RNF180: variants seen among roughly 807,000 people sequenced by gnomAD.
RNF180 encodes E3 ubiquitin-protein ligase RNF180.
A neutral mutation model predicts 59.2 loss-of-function variants in RNF180; 38 were observed. The ratio of observed to expected loss-of-function variants is 0.64; its 90% confidence interval spans 0.50 to 0.84. The LOEUF is 0.84. Ranked by LOEUF, RNF180 falls within the 40% of genes least tolerant of loss-of-function variation. The pLI is 0.00. For synonymous variants in RNF180, 262 were observed against 240.3 expected (o/e 1.09, Z -0.84); for missense variants, 705 against 700.9 (o/e 1.01, Z -0.07).
At chr5:64,364,451 A>G (rs1746371634) in intron 7 of RNF180, among the ~76,000 whole-genome samples, 1 of 151,704 alleles carries the variant, frequency 6.6e-6, no homozygotes, top group African/African-American at 2.4e-5. Flanking sequence ...TCGCTTTTTG[A>G]TGTGCTGATA....
chr5:64,232,995 G>T lies in RNF180; in HGVS notation c.1227+15599G>T, dbSNP rs529325633. On this transcript the variant is annotated intron_variant, in intron 5 of 7. Transcript: ENST00000389100. ...ATGCTCCATCCTCTGCATATCTCAT[G>T]ATTTGGTTATGCTGTGGAGGTCCAT... is the stretch of plus-strand genomic sequence containing the variant. 1.4e-4 allele frequency among the ~76,000 whole-genome samples: 21 copies of T among 152,300 alleles called. No individual in the cohort carries two copies. The East Asian group carries it at 1.9e-3, about 14-fold the overall frequency.
At chr5:64,368,853 C>T (rs1160814925) in intron 7 of RNF180, among the ~76,000 whole-genome samples, 1 of 152,042 alleles carries the variant, frequency 6.6e-6, no homozygotes, top group Non-Finnish European at 1.5e-5. Context: ...CACTTTTACA[C>T]TGTTGGTGGG....
intron 1 of RNF180, among the ~76,000 whole-genome samples, chr5:64,191,763 T>A (rs1032159356): frequency 5.9e-5 from 9 of 152,230 alleles, no homozygotes; most frequent in African/African-American, 2.2e-4. Flanking sequence ...ACTCTGTTGA[T>A]TGTTTCCTTT....
chr5:64,357,850 ACT>A (rs1255690156), intron 7 of RNF180, among the ~76,000 whole-genome samples: 1 of 151,856 alleles, frequency 6.6e-6, no homozygotes, highest in Non-Finnish European at 1.5e-5. Flanking sequence ...GACAGAAATC[ACT>A]CTGATGTAAA....
chr5:64,240,295 C>A (rs1280615360), intron 5 of RNF180, among the ~76,000 whole-genome samples: 1 of 152,100 alleles, frequency 6.6e-6, no homozygotes, highest in Non-Finnish European at 1.5e-5. Context: ...ATAAAGGCTG[C>A]AGTAGGTCCT....
chr5:64,273,661 C>T (rs1056490234), intron 5 of RNF180, among the ~76,000 whole-genome samples: 4 of 151,710 alleles, frequency 2.6e-5, no homozygotes, highest in African/African-American at 7.2e-5. Flanking sequence ...GGTTGAAGAA[C>T]GTTTGAAGAA....
chr5:64,167,637 T>C (rs902724404), intron 1 of RNF180, among the ~76,000 whole-genome samples: 1 of 152,204 alleles, frequency 6.6e-6, no homozygotes, highest in African/African-American at 2.4e-5. Context: ...TTAATCATTT[T>C]AATATATTTC....
intron 5 of RNF180, among the ~76,000 whole-genome samples, chr5:64,231,754 A>G (rs6871409): frequency 6.6e-6 from 1 of 152,188 alleles, no homozygotes; most frequent in Admixed American, 6.5e-5. Flanking sequence ...TCCTTGATGC[A>G]GTGCTATCAT....
chr5:64,181,842 G>GT (rs1561170665), intron 1 of RNF180, among the ~76,000 whole-genome samples: 2 of 152,130 alleles, frequency 1.3e-5, no homozygotes. Context: ...TATGAACACC[G>GT]TGTTTTATAT....
chr5:64,263,845 A>G (rs1394366951), intron 5 of RNF180, among the ~76,000 whole-genome samples: 2 of 152,166 alleles, frequency 1.3e-5, no homozygotes, highest in African/African-American at 4.8e-5. Context: ...CAGATGTGCA[A>G]TCAGTATGTT....
intron 5 of RNF180, among the ~76,000 whole-genome samples, chr5:64,263,554 A>G (rs79076166): frequency 6.6e-6 from 1 of 152,180 alleles, no homozygotes; most frequent in African/African-American, 2.4e-5. Context: ...TGAAAAAGCA[A>G]TTGACGGAAT....
At position 64,193,341 on chromosome 5, in the gene RNF180, A is replaced by T. The variant is rs1456700792; in HGVS notation, c.1-7467A>T. ...ACAAGGAAATTTTTGGAAGTGATGG[A>T]TATATCAAGTACCTTGATTGTGGTG... On this transcript the variant is annotated intron_variant, in intron 1 of 7. Coordinates refer to ENST00000389100, the MANE Select transcript of RNF180 (RefSeq NM_001113561.2). Among the ~76,000 whole-genome samples the T allele has an allele frequency of 2.0e-5, 3 of 152,156 alleles. No homozygotes were observed. In the East Asian group the frequency reaches 5.8e-4, roughly 29 times the overall value.
intron 5 of RNF180, among the ~76,000 whole-genome samples, chr5:64,312,981 A>G (rs1053507506): frequency 2.6e-5 from 4 of 152,134 alleles, no homozygotes; most frequent in Admixed American, 6.6e-5. Context: ...CAGGTTGAGT[A>G]TCCCTTATCT....
At chr5:64,362,654 G>A (rs974772472) in intron 7 of RNF180, among the ~76,000 whole-genome samples, 31 of 151,778 alleles carry the variant, frequency 2.0e-4, no homozygotes, top group African/African-American at 7.5e-4. Context: ...AGGACTTTGA[G>A]GAATCACCAC....
chr5:64,363,700 T>C (rs1189754395), intron 7 of RNF180, among the ~76,000 whole-genome samples: 1 of 151,882 alleles, frequency 6.6e-6, no homozygotes, highest in Non-Finnish European at 1.5e-5. Context: ...TTAATGATAT[T>C]GATTATTCCT....
intron 6 of RNF180, among the ~76,000 whole-genome samples, chr5:64,329,788 G>A (rs149434129): frequency 8.0e-4 from 122 of 152,250 alleles, no homozygotes; most frequent in African/African-American, 2.8e-3. Context: ...CCTTGCATGC[G>A]CAGTTCACAA....
At chr5:64,290,497 C>T (rs1330350587) in intron 5 of RNF180, among the ~76,000 whole-genome samples, 1 of 152,056 alleles carries the variant, frequency 6.6e-6, no homozygotes, top group Non-Finnish European at 1.5e-5. Flanking sequence ...CCTACTGTTA[C>T]TTTGTGGAAG....
chr5:64,309,305 A>G (rs1430418316), intron 5 of RNF180, among the ~76,000 whole-genome samples: 1 of 151,728 alleles, frequency 6.6e-6, no homozygotes, highest in Admixed American at 6.6e-5. Context: ...CATAATTTAT[A>G]TGATTGTATG....
chr5:64,330,601 T>A (rs1744860909), intron 7 of RNF180, among the ~76,000 whole-genome samples, 195 bp downstream of exon 7: 2 of 152,210 alleles, frequency 1.3e-5, no homozygotes. Context: ...GACTATACAA[T>A]AAGAGCAAAT....
Sources: allele counts gnomAD v4.1 joint callset (sites outside exome capture counted in the v4.1 genomes callset), GRCh38; gene constraint gnomAD v4.1.1; transcripts MANE v1.5; gene names NCBI Gene and HGNC (gene_info 2026-07-23, HGNC 2026-07-21).